Variants in RNF220 observed in about 807,000 individuals in gnomAD.
RNF220 encodes ring finger protein 220.
RNF220 carries 7 observed loss-of-function variants against 67.1 expected under a neutral mutation model. That is an observed-to-expected ratio of 0.10 (90% CI 0.06 to 0.20). RNF220 has a LOEUF of 0.20. RNF220 is among the 10% of genes least tolerant of loss of function. RNF220 has a pLI of 1.00. For missense variants in RNF220, 565 were observed against 740.3 expected (o/e 0.76, Z 2.75); for synonymous variants, 270 against 283.2 (o/e 0.95, Z 0.47).
chr1:44,460,298 G>A (rs544945599), intron 2 of RNF220, among the ~76,000 whole-genome samples: 3 of 152,100 alleles, frequency 2.0e-5, no homozygotes, highest in Non-Finnish European at 4.4e-5. Flanking sequence ...AGGTACCAGC[G>A]CCTGGAAGCC....
intron 2 of RNF220, among the ~76,000 whole-genome samples, chr1:44,602,338 T>G (rs6671522): frequency 6.6e-6 from 1 of 151,786 alleles, no homozygotes; most frequent in African/African-American, 2.4e-5. Context: ...CTGAGTCCAC[T>G]GCCTGGCCTG....
chr1:44,568,102 A>G (rs1046630480), intron 2 of RNF220, among the ~76,000 whole-genome samples: 3 of 152,096 alleles, frequency 2.0e-5, no homozygotes, highest in South Asian at 2.1e-4. Flanking sequence ...CTCTTCTTCA[A>G]TCTCCACATC....
chr1:44,550,202 G>A (rs954313493), intron 2 of RNF220, among the ~76,000 whole-genome samples: 3 of 152,232 alleles, frequency 2.0e-5, no homozygotes, highest in Non-Finnish European at 4.4e-5. Flanking sequence ...AGTCCCCTTG[G>A]CAAAGCCAAG....
rs1648030362 is a variant in RNF220, at chr1:44,412,155, C to T, written c.58C>T (p.Leu20=). ...GAACTCATCCTACCTTCCCAACCCT[C>T]TGGCATCCCCAGCACTGATGGTCCT... is the stretch of plus-strand genomic sequence containing the variant. ...MENSSYLPNP[L]ASPALMVLAS... The change falls in exon 2 of 15, where the codon CTG becomes TTG. Residue 20 remains leucine (L), a synonymous_variant. Transcript: ENST00000361799. This position sits in a 1 kb window ranked among gnomAD's most constrained non-coding sequence, Gnocchi z 5.3. 6.2e-7 allele frequency: 1 copy of T among 1,614,078 alleles called. No homozygotes were observed. Among genetic ancestry groups the T allele is most frequent in the South Asian group, 1.1e-5 (1 of 91,082 alleles).
chr1:44,491,516 C>CA (rs780926882), intron 2 of RNF220, among the ~76,000 whole-genome samples: 2 of 151,906 alleles, frequency 1.3e-5, no homozygotes, highest in Non-Finnish European at 2.9e-5. Context: ...TCAATAGATG[C>CA]AAAAAAACCA....
chr1:44,507,146 AC>A (rs1473974435), intron 2 of RNF220, among the ~76,000 whole-genome samples: 1 of 152,092 alleles, frequency 6.6e-6, no homozygotes, highest in Non-Finnish European at 1.5e-5. Flanking sequence ...ACAGGCTGTA[AC>A]CCACCTTAGA....
At chr1:44,637,726 G>T (rs550987022) in intron 8 of RNF220, among the ~76,000 whole-genome samples, 17 of 152,366 alleles carry the variant, frequency 1.1e-4, no homozygotes, top group African/African-American at 3.6e-4. Flanking sequence ...CCCCGGGCGG[G>T]TATCCGTTTT....
At chr1:44,587,383 G>T (rs1665781670) in intron 2 of RNF220, among the ~76,000 whole-genome samples, 1 of 152,098 alleles carries the variant, frequency 6.6e-6, no homozygotes, top group South Asian at 2.1e-4. Context: ...CTGACCTCAG[G>T]TGATCTGCCC....
At chr1:44,591,800 T>G (rs1666134345) in intron 2 of RNF220, among the ~76,000 whole-genome samples, 1 of 152,116 alleles carries the variant, frequency 6.6e-6, no homozygotes, top group African/African-American at 2.4e-5. Flanking sequence ...ATACTAGTCC[T>G]GCTGGGCTGC....
At chr1:44,592,700 T>C (rs149206207) in intron 2 of RNF220, among the ~76,000 whole-genome samples, 79 of 152,308 alleles carry the variant, frequency 5.2e-4, no homozygotes, top group African/African-American at 1.8e-3. Context: ...GTGAGTATTA[T>C]CATCCTCAGT....
chr1:44,513,678 A>G (rs1451841731), intron 2 of RNF220, among the ~76,000 whole-genome samples: 2 of 152,156 alleles, frequency 1.3e-5, no homozygotes, highest in Non-Finnish European at 2.9e-5. Context: ...TTAAAGTAAA[A>G]ATTTACACAA....
intron 2 of RNF220, among the ~76,000 whole-genome samples, chr1:44,531,805 G>A (rs907553198): frequency 5.3e-5 from 8 of 152,152 alleles, no homozygotes; most frequent in Non-Finnish European, 1.0e-4. Flanking sequence ...TTATGAGGGG[G>A]AGCTCATTAT....
chr1:44,581,765 G>A (rs1665296888), intron 2 of RNF220, among the ~76,000 whole-genome samples: 1 of 152,152 alleles, frequency 6.6e-6, no homozygotes, highest in Non-Finnish European at 1.5e-5. Context: ...TGGAACCTGG[G>A]ATCTGCTGGT....
chr1:44,495,268 A>T (rs189145748), intron 2 of RNF220, among the ~76,000 whole-genome samples: 59 of 152,064 alleles, frequency 3.9e-4, no homozygotes, highest in Non-Finnish European at 7.1e-4. Flanking sequence ...AAAAAAAAGA[A>T]TAGATTTGGC....
intron 3 of RNF220, among the ~76,000 whole-genome samples, chr1:44,619,901 G>A (rs1211960032): frequency 6.6e-6 from 1 of 152,172 alleles, no homozygotes; most frequent in Non-Finnish European, 1.5e-5. Flanking sequence ...GAGAGGCAAG[G>A]AGTCTCAGGT....
At chr1:44,546,138 C>T (rs116111477) in intron 2 of RNF220, among the ~76,000 whole-genome samples, 1 of 152,154 alleles carries the variant, frequency 6.6e-6, no homozygotes, top group South Asian at 2.1e-4. Context: ...CCCGAGATGA[C>T]TCACACTGCT....
In RNF220 at chr1:44,645,687, C is replaced by T. The variant is rs910213780; in HGVS notation, c.1445+199C>T. Among the ~76,000 whole-genome samples, 1 of 152,206 alleles carries T rather than the reference C, an allele frequency of 6.6e-6. No individual in the cohort carries two copies. Among genetic ancestry groups the T allele is most frequent in the Admixed American group, 6.5e-5 (1 of 15,288 alleles). ...TGAATTGATCACTGGGCCACGGCCCCAGAAGCCTTGGCGGTGGGAGGAGCA... is the reference window on the plus strand; with the variant it reads ...TGAATTGATCACTGGGCCACGGCCCTAGAAGCCTTGGCGGTGGGAGGAGCA... On this transcript the variant is annotated intron_variant, in intron 12 of 14. Transcript: ENST00000361799. The surrounding 1 kb of genome is among the most constrained non-coding windows in gnomAD (Gnocchi z 5.0).
At chr1:44,427,535 G>C (rs773209067) in intron 2 of RNF220, among the ~76,000 whole-genome samples, 3 of 152,152 alleles carry the variant, frequency 2.0e-5, no homozygotes, top group Non-Finnish European at 4.4e-5. Flanking sequence ...CCAGTGCGTT[G>C]CCTGGAACTT....
chr1:44,458,680 C>A (rs1201961097), intron 2 of RNF220, among the ~76,000 whole-genome samples: 1 of 152,172 alleles, frequency 6.6e-6, no homozygotes, highest in Non-Finnish European at 1.5e-5. Context: ...AACAACAGTT[C>A]TCTTTCTTTT....
Sources: gnomAD v4.1 joint callset for allele counts (sites outside exome capture counted in the v4.1 genomes callset) on GRCh38, gnomAD v4.1.1 for gene constraint, Gnocchi (gnomAD v3.1) non-coding constraint, MANE v1.5 for transcripts, NCBI Gene and HGNC (gene_info 2026-07-23, HGNC 2026-07-21) for gene names.